Variants in HS3ST4 observed in about 807,000 individuals in gnomAD.
The protein encoded by HS3ST4 is heparan sulfate glucosamine 3-O-sulfotransferase 4.
Under a neutral mutation model 29.2 loss-of-function variants are expected in HS3ST4, and 17 were observed. That is an observed-to-expected ratio of 0.58 (90% CI 0.40 to 0.87). The LOEUF (loss-of-function observed/expected upper bound fraction) is 0.87. HS3ST4 is among the 40% of genes least tolerant of loss of function. HS3ST4 has a pLI of 0.00. For synonymous variants in HS3ST4, 314 were observed against 285.7 expected, an observed-to-expected ratio of 1.10 and a Z score of -1.00; for missense variants, 627 against 634.5, an observed-to-expected ratio of 0.99 and a Z score of 0.13.
intron 1 of HS3ST4, among the ~76,000 whole-genome samples, chr16:25,721,410 T>C (rs1246023186): frequency 6.6e-6 from 1 of 152,192 alleles, no homozygotes; most frequent in Non-Finnish European, 1.5e-5. Context: ...TTTTTCCTTT[T>C]CATTTTTCCC....
At chr16:25,774,707 A>C (rs763557051) in intron 1 of HS3ST4, among the ~76,000 whole-genome samples, 1 of 152,260 alleles carries the variant, frequency 6.6e-6, no homozygotes, top group Non-Finnish European at 1.5e-5. Flanking sequence ...GGCATACTAT[A>C]GGCACTGTGT....
At chr16:26,054,617 A>G (rs761946289) in intron 1 of HS3ST4, among the ~76,000 whole-genome samples, 7 of 152,172 alleles carry the variant, frequency 4.6e-5, no homozygotes, top group Admixed American at 2.0e-4. Context: ...TGAAATGGAA[A>G]GATAAGAACT....
intron 1 of HS3ST4, among the ~76,000 whole-genome samples, chr16:25,817,462 A>C (rs781247613): frequency 1.3e-5 from 2 of 152,208 alleles, no homozygotes; most frequent in Non-Finnish European, 2.9e-5. Context: ...GATAATATGT[A>C]AATGAATGAA....
At chr16:25,889,081 G>A (rs1466388981) in intron 1 of HS3ST4, among the ~76,000 whole-genome samples, 1 of 152,130 alleles carries the variant, frequency 6.6e-6, no homozygotes, top group Non-Finnish European at 1.5e-5. Context: ...AGTATTTAAC[G>A]CAAATCTGTT....
intron 1 of HS3ST4, among the ~76,000 whole-genome samples, chr16:25,750,110 C>T (rs779643774): frequency 6.6e-6 from 1 of 152,184 alleles, no homozygotes; most frequent in African/African-American, 2.4e-5. Flanking sequence ...CTGAAATCCT[C>T]TGGAGTCTTC....
chr16:25,871,028 G>T (rs548202108), intron 1 of HS3ST4, among the ~76,000 whole-genome samples: 1 of 152,294 alleles, frequency 6.6e-6, no homozygotes, highest in East Asian at 1.9e-4. Flanking sequence ...CAAATCACAT[G>T]GGTAGAATAC....
intron 1 of HS3ST4, among the ~76,000 whole-genome samples, chr16:26,130,514 T>G (rs1313795112): frequency 6.6e-6 from 1 of 152,042 alleles, no homozygotes; most frequent in Admixed American, 6.6e-5. Context: ...GATACAAAGG[T>G]GATTAAAACT....
chr16:25,714,175 A>C (rs1266652251), intron 1 of HS3ST4, among the ~76,000 whole-genome samples: 1 of 152,208 alleles, frequency 6.6e-6, no homozygotes. Context: ...TGACAGTAAC[A>C]TGAGCTCATT....
intron 1 of HS3ST4, among the ~76,000 whole-genome samples, chr16:25,744,329 C>T (rs1966672586): frequency 6.6e-6 from 1 of 152,124 alleles, no homozygotes; most frequent in African/African-American, 2.4e-5. Flanking sequence ...GAAAATCTGC[C>T]TGACATTTGA....
intron 1 of HS3ST4, among the ~76,000 whole-genome samples, chr16:25,737,427 C>T (rs1206370552): frequency 1.3e-5 from 2 of 152,074 alleles, no homozygotes; most frequent in African/African-American, 4.8e-5. Context: ...AGAATGCAAG[C>T]ATATCTTTTA....
At chr16:26,135,523 G>C in intron 1 of HS3ST4, 89 bp from the exon 2 acceptor site, 1 of 1,289,242 alleles carries the variant, frequency 7.8e-7, no homozygotes, top group Non-Finnish European at 1.1e-6. Flanking sequence ...TTCCAAACTA[G>C]GTTGTTTATA....
chr16:25,725,066 C>T (rs1484489049), intron 1 of HS3ST4, among the ~76,000 whole-genome samples: 3 of 146,686 alleles, frequency 2.0e-5, no homozygotes, highest in African/African-American at 7.7e-5. Flanking sequence ...ATAGGAACAG[C>T]AGTCACTTGT....
intron 1 of HS3ST4, among the ~76,000 whole-genome samples, chr16:25,859,845 C>T (rs937600707): frequency 6.6e-6 from 1 of 152,268 alleles, no homozygotes; most frequent in Middle Eastern, 3.4e-3. Flanking sequence ...TAGCAGGGGT[C>T]CCTGACTCCC....
Position 25,692,337 on chromosome 16 carries a change from CG to C in HS3ST4, c.-76del. ...GCGGCGGCGGCGGCGGCGGCGGCGG[CG>C]GGGGCGGCGGCTGAAACCATGTCCG... On this transcript the variant is annotated 5_prime_UTR_variant, in exon 1 of 2. An upstream open reading frame in the 5' UTR loses its in-frame stop. Coordinates refer to ENST00000331351, the MANE Select transcript of HS3ST4 (RefSeq NM_006040.3). 7.8e-6 allele frequency: 1 copy of C among 127,932 alleles called. No individual in the cohort carries two copies. Among genetic ancestry groups the C allele is most frequent in the Non-Finnish European group, 1.5e-5 (1 of 64,780 alleles). 7.9% of individuals were successfully genotyped at this position (127,932 alleles called of 1,614,324 possible).
In HS3ST4 at chr16:26,103,035, A is replaced by G. The variant is rs762498017; in HGVS notation, c.735-32577A>G. Among the ~76,000 whole-genome samples the G allele has an allele frequency of 3.3e-5, 5 of 152,188 alleles. No individual in the cohort carries two copies. In the East Asian group the frequency reaches 7.7e-4, roughly 23 times the overall value. On this transcript the variant is annotated intron_variant, in intron 1 of 1. Transcript: ENST00000331351. ...TATGGGGGCTAGCCTAGGAATGAAC[A>G]TATCACTTTAGCTCATATTCCATTG...
Position 26,022,626 on chromosome 16 carries a change from C to G in HS3ST4, c.735-112986C>G, listed in dbSNP as rs138802598. On this transcript the variant is annotated intron_variant, in intron 1 of 1. Transcript: ENST00000331351. ...AGACAGGCAGCAGGTCAAAATCTGG[C>G]TTGTGGTTGTTAGTCAATTCAAAGG... 4.6e-5 allele frequency among the ~76,000 whole-genome samples: 7 copies of G among 150,954 alleles called. No individual in the cohort carries two copies. In the East Asian group the frequency reaches 1.4e-3, roughly 30 times the overall value.
intron 1 of HS3ST4, among the ~76,000 whole-genome samples, chr16:26,053,653 C>A (rs1463942884): frequency 6.6e-6 from 1 of 152,100 alleles, no homozygotes; most frequent in Non-Finnish European, 1.5e-5. Flanking sequence ...AAATATTCAC[C>A]ACTCTGGACC....
intron 1 of HS3ST4, among the ~76,000 whole-genome samples, chr16:25,871,490 G>A (rs1967752312): frequency 6.6e-6 from 1 of 152,110 alleles, no homozygotes; most frequent in African/African-American, 2.4e-5. Flanking sequence ...TGGATGACAG[G>A]AGCAAGGAAG....
At chr16:25,779,193 C>T (rs1465061461) in intron 1 of HS3ST4, among the ~76,000 whole-genome samples, 1 of 152,180 alleles carries the variant, frequency 6.6e-6, no homozygotes, top group African/African-American at 2.4e-5. Flanking sequence ...AATCACCATG[C>T]TACTGAGGAT....
Sources: allele counts gnomAD v4.1 joint callset (sites outside exome capture counted in the v4.1 genomes callset), GRCh38; gene constraint gnomAD v4.1.1; transcripts MANE v1.5; gene names NCBI Gene and HGNC (gene_info 2026-07-23, HGNC 2026-07-21).